Variants in CFAP92 observed in about 807,000 individuals in gnomAD.
The protein encoded by CFAP92 is cilia and flagella associated protein 92 (putative), also known as uncharacterized protein CFAP92.
A neutral mutation model predicts 106.3 loss-of-function variants in CFAP92; 86 were observed. The ratio of observed to expected loss-of-function variants is 0.81; its 90% confidence interval spans 0.68 to 0.97. The LOEUF (loss-of-function observed/expected upper bound fraction) is 0.97, where lower values mean the gene tolerates loss of function less well. Ranked by LOEUF, CFAP92 falls within the 50% of genes least tolerant of loss-of-function variation. CFAP92 has a pLI of 0.00. For synonymous variants in CFAP92, 477 were observed against 506.4 expected (o/e 0.94, Z 0.78); for missense variants, 1,204 against 1,283.8 (o/e 0.94, Z 0.95).
intron 12 of CFAP92, among the ~76,000 whole-genome samples, chr3:128,920,200 T>TA (rs1937152607): frequency 6.6e-6 from 1 of 152,164 alleles, no homozygotes; most frequent in African/African-American, 2.4e-5. Flanking sequence ...GGTGAGGAGT[T>TA]AGAGACCAGC....
At chr3:128,979,648 G>A (rs1016359625) in intron 4 of CFAP92, among the ~76,000 whole-genome samples, 5 of 152,074 alleles carry the variant, frequency 3.3e-5, no homozygotes, top group African/African-American at 7.2e-5. Context: ...CCTTTGTAGG[G>A]ACATGGATGA....
intron 12 of CFAP92, among the ~76,000 whole-genome samples, chr3:128,929,673 G>A (rs926989445): frequency 5.1e-4 from 77 of 152,270 alleles, no homozygotes; most frequent in African/African-American, 1.8e-3. Context: ...AGACACAAAA[G>A]TTTACATAAT....
upstream of CFAP92, among the ~76,000 whole-genome samples, chr3:128,998,147 G>C (rs949318060): frequency 2.0e-5 from 3 of 152,148 alleles, no homozygotes; most frequent in Non-Finnish European, 1.5e-5. Flanking sequence ...TGGATTGTTT[G>C]TCTTCTTGTT....
intron 9 of CFAP92, among the ~76,000 whole-genome samples, chr3:128,951,090 C>T (rs897532207): frequency 6.6e-6 from 1 of 152,042 alleles, no homozygotes. Flanking sequence ...TAGAAGATAG[C>T]TGGGTGTGGT....
chr3:128,952,243 AC>A (rs1283475629), intron 9 of CFAP92, among the ~76,000 whole-genome samples: 3 of 145,742 alleles, frequency 2.1e-5, no homozygotes, highest in Admixed American at 1.4e-4. Flanking sequence ...CCATCCTCCC[AC>A]CCCGGCCTCT....
In CFAP92 at chr3:128,932,777, C is replaced by T. The variant is rs766877478; in HGVS notation, c.2674G>A (p.Ala892Thr). The change falls in exon 12 of 16, where the codon GCC (alanine) becomes ACC (threonine). Residue 892 changes from alanine to threonine, a missense_variant. Ala to Thr is a moderately conservative substitution (Grantham distance 58). Transcript: ENST00000645291. ...CACTGCAGGTACTTCTCCTGGTGGG[C>T]GTGGATCTCTAAGGTGAGGGTGGAG... is the stretch of plus-strand genomic sequence containing the variant. ...RNSTLTLEIH[A>T]HQEKYLQWRS... 1.2e-5 allele frequency: 18 copies of T among 1,535,980 alleles called. No homozygotes were observed. Among genetic ancestry groups the T allele is most frequent in the South Asian group, 7.1e-5 (6 of 84,050 alleles).
At chr3:128,910,441 A>G (rs1576353939) in intron 15 of CFAP92, 108 bp from the exon 16 acceptor site, 2 of 1,129,222 alleles carry the variant, frequency 1.8e-6, no homozygotes, top group South Asian at 1.6e-5. Flanking sequence ...AGGCGGGTGC[A>G]GTCTCTGAGG....
In CFAP92 at chr3:128,953,590, CCT is replaced by C. The variant is rs1475830637; in HGVS notation, c.1354-7617_1354-7616del. 2.0e-4 allele frequency among the ~76,000 whole-genome samples: 23 copies of C among 116,402 alleles called. 2 individuals are homozygous for C. The highest frequency in any genetic ancestry group is 1.3e-3 in the African/African-American group (23 of 18,206). 76.4% of individuals were successfully genotyped at this position (116,402 alleles called of 152,430 possible). A position where few individuals can be genotyped will look rare whatever the true frequency, so the allele number is the denominator to read the frequency against. ...CGGTCTCCCTCTCCCTCTCCCTCTCCCTCTCCCTCCCCCTCTCCCTCTCCCTC... is the reference window on the plus strand; with the variant it reads ...CGGTCTCCCTCTCCCTCTCCCTCTCCCTCCCTCCCCCTCTCCCTCTCCCTC... On this transcript the variant is annotated intron_variant, in intron 9 of 15. Transcript: ENST00000645291.
chr3:128,984,313 T>C (rs1335431622), intron 4 of CFAP92, among the ~76,000 whole-genome samples: 1 of 152,220 alleles, frequency 6.6e-6, no homozygotes, highest in Non-Finnish European at 1.5e-5. Flanking sequence ...GTCAGTGGAC[T>C]GGGAGAGGCA....
intron 1 of CFAP92, among the ~76,000 whole-genome samples, chr3:129,001,036 T>C (rs1021917757): frequency 3.3e-5 from 5 of 152,150 alleles, no homozygotes; most frequent in Non-Finnish European, 5.9e-5. Flanking sequence ...AGGGGAGGCT[T>C]TTCCGCACCT....
the CFAP92 span, among the ~76,000 whole-genome samples, chr3:129,012,436 C>T: frequency 6.6e-6 from 1 of 152,118 alleles, no homozygotes; most frequent in South Asian, 2.1e-4. Context: ...CTTGTCCCTG[C>T]CTGGTTCTAC....
At chr3:128,935,010 T>C in intron 11 of CFAP92, 115 bp downstream of exon 11, 1 of 740,344 alleles carries the variant, frequency 1.4e-6, no homozygotes, top group Non-Finnish European at 2.1e-6. Context: ...CCCCACCATC[T>C]GTTGGGGCCA....
intron 10 of CFAP92, among the ~76,000 whole-genome samples, chr3:128,943,135 G>A (rs1209647561): frequency 6.6e-6 from 1 of 152,026 alleles, no homozygotes; most frequent in Non-Finnish European, 1.5e-5. Flanking sequence ...GGTCAGGCTG[G>A]TCTTGATCTC....
chr3:128,953,857 T>C (rs1488372095), intron 9 of CFAP92, among the ~76,000 whole-genome samples: 4 of 121,672 alleles, frequency 3.3e-5, no homozygotes, highest in Admixed American at 3.0e-4. Context: ...TCCGCCACCC[T>C]CGGCCTCCCG....
At chr3:128,986,612 T>C (rs1943871690) in intron 4 of CFAP92, among the ~76,000 whole-genome samples, 1 of 152,216 alleles carries the variant, frequency 6.6e-6, no homozygotes, top group African/African-American at 2.4e-5. Flanking sequence ...TTACAGTTCT[T>C]AAATTTTCTA....
chr3:128,956,196 T>TAAAAAAAAAAAAAAAAAAAAAAAAAAAA (rs577724635), intron 9 of CFAP92, among the ~76,000 whole-genome samples: 1 of 61,714 alleles, frequency 1.6e-5, no homozygotes, highest in Non-Finnish European at 3.0e-5. Flanking sequence ...AAAAAAAAAA[T>TAAAAAAAAAAAAAAAAAAAAAAAAAAAA]AAAAAAAAAA....
chr3:128,916,292 C>G, intron 12 of CFAP92, 21 bp from the exon 13 acceptor site: 1 of 1,231,380 alleles, frequency 8.1e-7, no homozygotes, highest in Non-Finnish European at 1.0e-6. Flanking sequence ...AGACACCAGT[C>G]ACTACCCACA....
chr3:128,939,871 C>T (rs182679150), intron 10 of CFAP92, among the ~76,000 whole-genome samples: 5 of 152,310 alleles, frequency 3.3e-5, no homozygotes, highest in South Asian at 2.1e-4. Flanking sequence ...AATCTAATGC[C>T]ACTGCTGATC....
chr3:128,932,594 C>T (rs981914817), intron 12 of CFAP92, 106 bp downstream of exon 12: 4 of 1,167,112 alleles, frequency 3.4e-6, no homozygotes, highest in Middle Eastern at 2.9e-4. Context: ...CAGGCACGAC[C>T]AGAGGCAAAT....
Sources: gnomAD v4.1 joint callset for allele counts (sites outside exome capture counted in the v4.1 genomes callset) on GRCh38, gnomAD v4.1.1 for gene constraint, MANE v1.5 for transcripts, NCBI Gene and HGNC (gene_info 2026-07-23, HGNC 2026-07-21) for gene names.